WWOX: variants seen among roughly 807,000 people sequenced by gnomAD.
WWOX encodes WW domain containing oxidoreductase.
In WWOX, 69 loss-of-function variants were observed where a neutral mutation model predicts 46.2. The ratio of observed to expected loss-of-function variants is 1.49; its 90% CI spans 1.23 to 1.82. The LOEUF (loss-of-function observed/expected upper bound fraction) is 1.82, where lower values mean the gene tolerates loss of function less well. WWOX is among the 40% of genes most tolerant of loss of function. WWOX has a pLI of 0.00. For synonymous variants in WWOX, 359 were observed against 202.6 expected (o/e 1.77, Z -6.56); for missense variants, 919 against 542.6 (o/e 1.69, Z -6.89).
At chr16:78,508,024 G>A (rs2085259231) in intron 8 of WWOX, among the ~76,000 whole-genome samples, 2 of 151,354 alleles carry the variant, frequency 1.3e-5, no homozygotes, top group African/African-American at 2.4e-5. Context: ...GTGTGTGTGT[G>A]TGTGACGGAG....
At chr16:78,862,148 A>G (rs1440921441) in intron 8 of WWOX, among the ~76,000 whole-genome samples, 2 of 151,592 alleles carry the variant, frequency 1.3e-5, no homozygotes, top group South Asian at 2.1e-4. Flanking sequence ...ATACACACCT[A>G]TGGGTGTGTC....
rs553279007 is a variant in WWOX at position 78,099,659 on chromosome 16, G to T, written c.-120G>T. 2.3e-6 allele frequency: 3 copies of T among 1,300,486 alleles called. No individual in the cohort carries two copies. In the African/African-American group the frequency reaches 4.6e-5, roughly 20 times the overall value. The allele number at this position is 1,300,486 out of a possible 1,614,324, so 80.6% of individuals were successfully genotyped here. A position where few individuals can be genotyped will look rare whatever the true frequency, so the allele number is the denominator to read the frequency against. ...CGGAGCGGCCCCTGGAGGGCGCAGT[G>T]CGCAGGCGTGAGCGGTCGGGCCCCG... On this transcript the variant is annotated 5_prime_UTR_variant, in exon 1 of 9. Transcript: ENST00000566780.
At chr16:79,152,203 G>C (rs537214970) in intron 8 of WWOX, among the ~76,000 whole-genome samples, 1 of 152,228 alleles carries the variant, frequency 6.6e-6, no homozygotes, top group Non-Finnish European at 1.5e-5. Context: ...GCGAGGCCCT[G>C]AGGAGCGGGA....
chr16:78,510,432 T>TA (rs2085334584), intron 8 of WWOX, among the ~76,000 whole-genome samples: 1 of 152,174 alleles, frequency 6.6e-6, no homozygotes, highest in Admixed American at 6.5e-5. Flanking sequence ...CAGTATGGTC[T>TA]CAAACTCCTG....
intron 5 of WWOX, among the ~76,000 whole-genome samples, chr16:78,336,595 G>T (rs1261134180): frequency 6.6e-6 from 1 of 151,624 alleles, no homozygotes; most frequent in East Asian, 1.9e-4. Flanking sequence ...GAGTGTTGAG[G>T]ACCTGTCAAA....
rs575202767 is a variant in WWOX, at chr16:78,332,886, C to A, written c.517-53974C>A. 1.1e-3 allele frequency among the ~76,000 whole-genome samples: 168 copies of A among 152,094 alleles called. 2 individuals carry two copies. In the South Asian group the frequency reaches 0.034, roughly 31 times the overall value. On this transcript the variant is annotated intron_variant, in intron 5 of 8. Transcript: ENST00000566780. ...TGTCGCACAGTTCAGTGTAAAGTTG[C>A]AATGCAAACTAAGATGTTTCCGTTG...
At chr16:78,918,026 A>T (rs1235950233) in intron 8 of WWOX, among the ~76,000 whole-genome samples, 3 of 152,010 alleles carry the variant, frequency 2.0e-5, no homozygotes, top group African/African-American at 7.2e-5. Flanking sequence ...ACACAGTGAG[A>T]CCCCACCTCT....
At chr16:78,508,268 C>T (rs991664243) in intron 8 of WWOX, among the ~76,000 whole-genome samples, 2 of 149,140 alleles carry the variant, frequency 1.3e-5, no homozygotes, top group Admixed American at 6.7e-5. Flanking sequence ...GCCTCAGCCA[C>T]CCAAAGTGCT....
chr16:78,228,212 T>A (rs943498806), intron 5 of WWOX, among the ~76,000 whole-genome samples: 4 of 152,122 alleles, frequency 2.6e-5, no homozygotes, highest in Non-Finnish European at 5.9e-5. Context: ...CAGGGTGTTC[T>A]CTTACCCCTG....
At chr16:78,467,505 T>C (rs1308590843) in intron 8 of WWOX, among the ~76,000 whole-genome samples, 3 of 152,206 alleles carry the variant, frequency 2.0e-5, no homozygotes, top group African/African-American at 4.8e-5. Context: ...TTTTATTGTT[T>C]ATTGACTTCA....
intron 8 of WWOX, among the ~76,000 whole-genome samples, chr16:78,928,624 A>C (rs1203182763): frequency 6.6e-6 from 1 of 152,070 alleles, no homozygotes; most frequent in Non-Finnish European, 1.5e-5. Flanking sequence ...AATAGATGAA[A>C]TGAAAGAAAT....
chr16:78,476,226 G>A (rs2084345637), intron 8 of WWOX, among the ~76,000 whole-genome samples: 1 of 152,170 alleles, frequency 6.6e-6, no homozygotes, highest in African/African-American at 2.4e-5. Flanking sequence ...GATGGCCAGT[G>A]ATGATGAGCA....
chr16:78,475,755 C>T (rs1437931508), intron 8 of WWOX, among the ~76,000 whole-genome samples: 1 of 152,086 alleles, frequency 6.6e-6, no homozygotes, highest in East Asian at 1.9e-4. Context: ...GCCACCACAC[C>T]GGCTAATTTT....
chr16:78,632,025 T>G (rs1597373301), intron 8 of WWOX, among the ~76,000 whole-genome samples: 1 of 72,276 alleles, frequency 1.4e-5, no homozygotes, highest in South Asian at 3.8e-4. Context: ...GACCTCCCAA[T>G]TTTTTCTTAA....
intron 8 of WWOX, among the ~76,000 whole-genome samples, chr16:79,040,468 C>T (rs889743): frequency 6.6e-6 from 1 of 151,962 alleles, no homozygotes; most frequent in East Asian, 1.9e-4. Context: ...TAGAGACAAG[C>T]CTTCACTATG....
chr16:78,913,050 C>G (rs1333972611), intron 8 of WWOX, among the ~76,000 whole-genome samples: 1 of 151,912 alleles, frequency 6.6e-6, no homozygotes, highest in African/African-American at 2.4e-5. Flanking sequence ...GTGTTTTTTT[C>G]TTTAATGAAT....
intron 8 of WWOX, among the ~76,000 whole-genome samples, chr16:78,753,258 C>G (rs1288273899): frequency 1.3e-5 from 2 of 152,054 alleles, no homozygotes; most frequent in East Asian, 1.9e-4. Context: ...CGAGATTACA[C>G]CACTACCCTC....
chr16:78,934,528 A>AAAAG lies in WWOX; in HGVS notation c.1057-277076_1057-277073dup, dbSNP rs1567659785. Among the ~76,000 whole-genome samples, 4 of 149,766 alleles carry AAAAG rather than the reference A, an allele frequency of 2.7e-5. 1 individual carries two copies. The highest frequency in any genetic ancestry group is 9.9e-5 in the African/African-American group (4 of 40,424). ...TGTATCAAAAAAAAAAAAAAAAAAA[A>AAAAG]AAAGAAACACAACTTACCAAACCAA... On this transcript the variant is annotated intron_variant, in intron 8 of 8. Transcript: ENST00000566780.
At chr16:78,493,071 C>G (rs1332298136) in intron 8 of WWOX, among the ~76,000 whole-genome samples, 5 of 152,132 alleles carry the variant, frequency 3.3e-5, no homozygotes, top group Non-Finnish European at 5.9e-5. Flanking sequence ...AACAGACTAG[C>G]CCCCTGTACA....
Sources: allele counts gnomAD v4.1 joint callset (sites outside exome capture counted in the v4.1 genomes callset), GRCh38; gene constraint gnomAD v4.1.1; transcripts MANE v1.5; gene names NCBI Gene and HGNC (gene_info 2026-07-23, HGNC 2026-07-21).